Variants in PLSCR5 observed in about 807,000 individuals in gnomAD.
PLSCR5 encodes the protein phospholipid scramblase family member 5.
Under a neutral mutation model 33.6 loss-of-function variants are expected in PLSCR5, and 44 were observed. The ratio of observed to expected loss-of-function variants is 1.31; its 90% CI spans 1.03 to 1.69. The LOEUF (loss-of-function observed/expected upper bound fraction) is 1.69. Among genes scored for constraint, PLSCR5 ranks in the 40% most tolerant of loss-of-function variants. The probability of loss-of-function intolerance (pLI) is 0.00; values close to 1 mark genes in which losing one functional copy is unlikely to be tolerated. For missense variants in PLSCR5, 375 were observed against 318.7 expected, an observed-to-expected ratio of 1.18 and a Z score of -1.34; for synonymous variants, 148 against 112.3, an observed-to-expected ratio of 1.32 and a Z score of -2.01.
At chr3:146,583,032 C>T (rs548004233), downstream of PLSCR5, among the ~76,000 whole-genome samples, 2 of 152,032 alleles carry the variant, frequency 1.3e-5, no homozygotes, top group African/African-American at 4.8e-5. Flanking sequence ...GCACCCATTC[C>T]CTAGCCCCCT....
At chr3:146,596,997 C>T (rs1251973143) in intron 2 of PLSCR5, among the ~76,000 whole-genome samples, 6 of 151,962 alleles carry the variant, frequency 3.9e-5, no homozygotes, top group Non-Finnish European at 4.4e-5. Flanking sequence ...CTGAGGAAAA[C>T]GGAGTGGTAA....
downstream of PLSCR5, among the ~76,000 whole-genome samples, chr3:146,584,998 C>A (rs1237657605): frequency 6.6e-6 from 1 of 151,974 alleles, no homozygotes; most frequent in African/African-American, 2.4e-5. Context: ...CTTCATGGTA[C>A]CTTGCTTAAA....
intron 6 of PLSCR5, among the ~76,000 whole-genome samples, chr3:146,587,487 A>G (rs2044675324): frequency 6.6e-6 from 1 of 152,038 alleles, no homozygotes; most frequent in Admixed American, 6.6e-5. Flanking sequence ...TATTAACGTT[A>G]AGTGTGGGGC....
chr3:146,600,906 A>C (rs2044808379), intron 1 of PLSCR5, among the ~76,000 whole-genome samples: 1 of 148,440 alleles, frequency 6.7e-6, no homozygotes. Context: ...ATAGGTATAT[A>C]CATACAAATC....
Position 146,600,317 on chromosome 3 carries a change from G to T in PLSCR5, c.160C>A (p.Leu54Ile). The change falls in exon 2 of 8, where the codon CTC becomes ATC. Residue 54 changes from leucine (L) to isoleucine (I), a missense_variant. Leu to Ile is a conservative substitution (Grantham distance 5, BLOSUM62 2). Transcript: ENST00000443512. Reference sequence around the variant, plus strand: ...CTTAAATATTCTAGACCAGGAGGGAGACTGACTGTTGGCAGGAAACTGCTT... The same window carrying T: ...CTTAAATATTCTAGACCAGGAGGGATACTGACTGTTGGCAGGAAACTGCTT... ...LPSSFLPTVS[L>I]PPGLEYLSQL... 6.2e-7 allele frequency: 1 copy of T among 1,602,204 alleles called. No homozygotes were observed. Among genetic ancestry groups the T allele is most frequent in the South Asian group, 1.1e-5 (1 of 89,112 alleles).
Position 146,589,823 on chromosome 3 carries a change from A to G in PLSCR5, c.616-9T>C, listed in dbSNP as rs2044698590. On this transcript the variant is annotated splice_polypyrimidine_tract_variant and intron_variant, in intron 5 of 7. Coordinates refer to ENST00000443512, the MANE Select transcript of PLSCR5 (RefSeq NM_001085420.2). The stretch of plus-strand genomic sequence containing the variant: ...TCATTAATGGTTTTCACCTTTAGAA[A>G]GAAAATAAGGAGTATTAAATTTGAC... The G allele has an allele frequency of 2.0e-6, 3 of 1,506,998 alleles. No individual in the cohort carries two copies. Among genetic ancestry groups the G allele is most frequent in the Non-Finnish European group, 9.0e-7 (1 of 1,105,036 alleles). 93.4% of individuals were successfully genotyped at this position (1,506,998 alleles called of 1,614,324 possible).
intron 2 of PLSCR5, among the ~76,000 whole-genome samples, chr3:146,598,648 T>A (rs2044783662): frequency 6.6e-6 from 1 of 152,226 alleles, no homozygotes; most frequent in Non-Finnish European, 1.5e-5. Context: ...GATGACCATA[T>A]GTGATCATCA....
intron 4 of PLSCR5, among the ~76,000 whole-genome samples, chr3:146,593,192 A>G (rs1269729384): frequency 1.3e-5 from 2 of 152,256 alleles, no homozygotes; most frequent in Admixed American, 1.3e-4. Flanking sequence ...AGTCATAGGT[A>G]GTCACCTCCA....
chr3:146,603,361 T>C (rs1183834626), intron 1 of PLSCR5, among the ~76,000 whole-genome samples: 4 of 152,128 alleles, frequency 2.6e-5, no homozygotes, highest in Non-Finnish European at 5.9e-5. Flanking sequence ...AAACAAGATA[T>C]CTAATTCACA....
At chr3:146,590,511 C>G (rs1212971002) in intron 5 of PLSCR5, among the ~76,000 whole-genome samples, 1 of 152,036 alleles carries the variant, frequency 6.6e-6, no homozygotes, top group Non-Finnish European at 1.5e-5. Flanking sequence ...CACAAATCAA[C>G]TTTATCAGCT....
intron 7 of PLSCR5, among the ~76,000 whole-genome samples, chr3:146,579,439 T>A (rs1412915072): frequency 6.6e-6 from 1 of 152,190 alleles, no homozygotes. Flanking sequence ...GAAAATAAAA[T>A]ACAACAAATC....
Position 146,605,194 on chromosome 3 carries a change from T to A in PLSCR5, c.13+6A>T. The A allele has an allele frequency of 3.7e-6, 6 of 1,609,576 alleles. No individual in the cohort carries two copies. Among genetic ancestry groups the A allele is most frequent in the Non-Finnish European group, 5.1e-6 (6 of 1,177,052 alleles). ...AAAGTTATTAGTTGGTTATATTTAC[T>A]CTTACCTTTAGAGGCCATGAAGATG... On this transcript the variant is annotated splice_donor_region_variant and intron_variant, in intron 1 of 7. Transcript: ENST00000443512.
At chr3:146,579,637 TTG>T in intron 7 of PLSCR5, among the ~76,000 whole-genome samples, 1 of 152,362 alleles carries the variant, frequency 6.6e-6, no homozygotes, top group East Asian at 1.9e-4. Context: ...CGGAAAGATA[TTG>T]TTTTGTTCCT....
At chr3:146,600,200 C>A in intron 2 of PLSCR5, 88 bp downstream of exon 2, 1 of 1,045,266 alleles carries the variant, frequency 9.6e-7, no homozygotes, top group Non-Finnish European at 1.2e-6. Flanking sequence ...TGGTTAAATT[C>A]TTTCAACCTT....
chr3:146,599,334 C>T (rs17367802), intron 2 of PLSCR5, among the ~76,000 whole-genome samples: 43,241 of 151,902 alleles, frequency 0.28, 6,312 homozygotes, highest in African/African-American at 0.36. Flanking sequence ...ACTTTATAAC[C>T]GCTTTGTCTT....
chr3:146,580,277 C>A lies in PLSCR5; in HGVS notation c.*45-3552G>T, dbSNP rs115715414. On this transcript the variant is annotated intron_variant, in intron 7 of 7. Coordinates refer to the PLSCR5 transcript ENST00000482567. Reference sequence around the variant, plus strand: ...TTACATTCCATATCTAACGAAATGCCAAGTTTTGTCAATTTCTCTTCCTAA... The same window carrying A: ...TTACATTCCATATCTAACGAAATGCAAAGTTTTGTCAATTTCTCTTCCTAA... Among the ~76,000 whole-genome samples the A allele has an allele frequency of 3.9e-3, 591 of 151,962 alleles. 6 individuals carry two copies. Among genetic ancestry groups the A allele is most frequent in the African/African-American group, 0.013 (543 of 41,430 alleles).
intron 6 of PLSCR5, among the ~76,000 whole-genome samples, chr3:146,587,585 A>G (rs893123485): frequency 2.0e-5 from 3 of 152,030 alleles, no homozygotes; most frequent in African/African-American, 7.2e-5. Context: ...AAAGATGGGA[A>G]CAGTAAGCAA....
At chr3:146,601,963 C>T (rs1272079369) in intron 1 of PLSCR5, among the ~76,000 whole-genome samples, 1 of 151,968 alleles carries the variant, frequency 6.6e-6, no homozygotes, top group Non-Finnish European at 1.5e-5. Flanking sequence ...TACGAATAAA[C>T]TGAGTTCATT....
intron 4 of PLSCR5, among the ~76,000 whole-genome samples, chr3:146,593,220 C>A (rs1354979717): frequency 2.0e-5 from 3 of 151,982 alleles, no homozygotes; most frequent in Non-Finnish European, 4.4e-5. Flanking sequence ...TCCTTGACTG[C>A]CAAATGTAGA....
Sources: allele counts gnomAD v4.1 joint callset (sites outside exome capture counted in the v4.1 genomes callset), GRCh38; gene constraint gnomAD v4.1.1; transcripts MANE v1.5; gene names NCBI Gene and HGNC (gene_info 2026-07-23, HGNC 2026-07-21).